Variants in NEBL observed in about 807,000 individuals in gnomAD.
NEBL encodes the protein LIM and SH3 protein 2.
In NEBL, 122 loss-of-function variants were observed where a neutral mutation model predicts 140.2. That is an observed-to-expected ratio of 0.87 (90% CI 0.75 to 1.01). NEBL has a LOEUF of 1.01. Among genes scored for constraint, NEBL ranks in the 50% least tolerant of loss-of-function variants. The probability of loss-of-function intolerance (pLI) is 0.00; values close to 1 mark genes in which losing one functional copy is unlikely to be tolerated. For synonymous variants in NEBL, 436 were observed against 398.9 expected, an observed-to-expected ratio of 1.09 and a Z score of -1.11; for missense variants, 1,365 against 1,231.3, an observed-to-expected ratio of 1.11 and a Z score of -1.62.
chr10:21,025,329 G>T (rs1488446429), intron 2 of NEBL, among the ~76,000 whole-genome samples: 5 of 152,166 alleles, frequency 3.3e-5, no homozygotes, highest in Non-Finnish European at 7.4e-5. Flanking sequence ...GCAAGAATTG[G>T]CTGAAGTGTG....
chr10:21,164,636 A>C (rs1023649280), intron 2 of NEBL, among the ~76,000 whole-genome samples: 4 of 152,204 alleles, frequency 2.6e-5, no homozygotes, highest in Admixed American at 2.6e-4. Context: ...TTTCAGAAAC[A>C]TTGCAAATGG....
At chr10:21,284,074 G>C (rs921067071) in intron 1 of NEBL, among the ~76,000 whole-genome samples, 4 of 149,244 alleles carry the variant, frequency 2.7e-5, no homozygotes, top group Non-Finnish European at 5.9e-5. Flanking sequence ...GCCAGGTATG[G>C]TGGCTCACGC....
chr10:21,116,471 A>G (rs535746724), intron 2 of NEBL, among the ~76,000 whole-genome samples: 2 of 152,284 alleles, frequency 1.3e-5, no homozygotes, highest in African/African-American at 2.4e-5. Flanking sequence ...CAAAGTGTCC[A>G]TCTCCAATTA....
intron 26 of NEBL, among the ~76,000 whole-genome samples, chr10:20,789,181 T>C (rs1835700446): frequency 6.6e-6 from 1 of 152,222 alleles, no homozygotes; most frequent in Admixed American, 6.5e-5. Flanking sequence ...CTCCAGACTG[T>C]TAGTCTTGCA....
At chr10:21,225,471 G>A (rs1179226189) in intron 3 of NEBL, among the ~76,000 whole-genome samples, 2 of 152,112 alleles carry the variant, frequency 1.3e-5, no homozygotes, top group African/African-American at 4.8e-5. Context: ...TTCTCTTGAG[G>A]GTGGCAAGTT....
intron 4 of NEBL, among the ~76,000 whole-genome samples, chr10:20,945,809 G>T (rs1835127914): frequency 6.6e-6 from 1 of 151,948 alleles, no homozygotes; most frequent in African/African-American, 2.4e-5. Flanking sequence ...TGGTGTAGAG[G>T]ATTCAAGTAC....
At chr10:20,836,310 C>T (rs1007483910) in intron 13 of NEBL, among the ~76,000 whole-genome samples, 3 of 151,902 alleles carry the variant, frequency 2.0e-5, no homozygotes, top group Non-Finnish European at 4.4e-5. Context: ...GCAACTTGTG[C>T]CTCCTGGGTT....
chr10:20,822,681 T>C (rs984636306), intron 19 of NEBL, among the ~76,000 whole-genome samples: 1 of 115,372 alleles, frequency 8.7e-6, no homozygotes. Flanking sequence ...ACTATAGATA[T>C]ATAGATATAT....
Position 20,781,735 on chromosome 10 carries a change from T to A in NEBL, c.*4012A>T, listed in dbSNP as rs1376393023. 1 of 152,620 alleles carries A rather than the reference T, an allele frequency of 6.6e-6. No homozygotes were observed. Among genetic ancestry groups the A allele is most frequent in the Non-Finnish European group, 1.5e-5 (1 of 68,028 alleles). The allele number at this position is 152,620 out of a possible 1,614,324, so 9.5% of individuals were successfully genotyped here. On this transcript the variant is annotated 3_prime_UTR_variant, in exon 28 of 28. Transcript: ENST00000377122. ...CAGAAGCAACATACAATGCCTTGAC[T>A]TTTTTGATCAACAGTTGACAGTTAG...
chr10:21,055,927 G>C (rs1480799123), intron 2 of NEBL, among the ~76,000 whole-genome samples: 1 of 152,156 alleles, frequency 6.6e-6, no homozygotes, highest in Non-Finnish European at 1.5e-5. Flanking sequence ...CTTGGCTCTG[G>C]GCTGCCCTGA....
At chr10:21,018,147 T>A (rs965669192) in intron 3 of NEBL, among the ~76,000 whole-genome samples, 6 of 152,116 alleles carry the variant, frequency 3.9e-5, no homozygotes, top group Admixed American at 2.6e-4. Flanking sequence ...TCAGTCCTTA[T>A]AACAAATTAA....
chr10:20,959,030 A>T (rs1835934666), intron 4 of NEBL, among the ~76,000 whole-genome samples: 1 of 152,234 alleles, frequency 6.6e-6, no homozygotes, highest in Non-Finnish European at 1.5e-5. Context: ...CATCCGTAAC[A>T]TATTACCCAA....
chr10:21,104,962 C>G (rs1436173754), intron 2 of NEBL, among the ~76,000 whole-genome samples: 1 of 152,162 alleles, frequency 6.6e-6, no homozygotes, highest in Non-Finnish European at 1.5e-5. Context: ...AAATGCTTTT[C>G]TACACCAATT....
At chr10:21,088,781 C>T (rs1387004585) in intron 2 of NEBL, among the ~76,000 whole-genome samples, 1 of 152,224 alleles carries the variant, frequency 6.6e-6, no homozygotes, top group East Asian at 1.9e-4. Context: ...CCACTACCAA[C>T]TGGCAGAGGC....
intron 26 of NEBL, among the ~76,000 whole-genome samples, chr10:20,794,659 A>C (rs1440944899): frequency 6.6e-6 from 1 of 152,196 alleles, no homozygotes; most frequent in Admixed American, 6.5e-5. Context: ...ACCCCTGTGA[A>C]AGTTAGTGGG....
chr10:20,938,348 G>C (rs951123992), intron 4 of NEBL, among the ~76,000 whole-genome samples: 32 of 152,222 alleles, frequency 2.1e-4, no homozygotes, highest in Admixed American at 7.2e-4. Context: ...TGGACCTCCA[G>C]TAAACTCCAA....
chr10:21,170,888 G>A (rs1841041975), intron 2 of NEBL, among the ~76,000 whole-genome samples: 1 of 152,104 alleles, frequency 6.6e-6, no homozygotes, highest in Non-Finnish European at 1.5e-5. Context: ...TTAACCAAGG[G>A]CCCTCCATCT....
At chr10:20,853,379 T>A (rs1292818379) in intron 9 of NEBL, among the ~76,000 whole-genome samples, 1 of 152,144 alleles carries the variant, frequency 6.6e-6, no homozygotes, top group Non-Finnish European at 1.5e-5. Context: ...CAGGCAGCAA[T>A]ATGACAAAAA....
intron 2 of NEBL, among the ~76,000 whole-genome samples, chr10:21,163,492 T>C (rs1160514379): frequency 6.6e-6 from 1 of 152,184 alleles, no homozygotes; most frequent in African/African-American, 2.4e-5. Context: ...GAATTCACAC[T>C]CTGGATCAAT....
Sources: gnomAD v4.1 joint callset for allele counts (sites outside exome capture counted in the v4.1 genomes callset) on GRCh38, gnomAD v4.1.1 for gene constraint, MANE v1.5 for transcripts, NCBI Gene and HGNC (gene_info 2026-07-23, HGNC 2026-07-21) for gene names.